UBE2E3: variants seen among roughly 807,000 people sequenced by gnomAD.
The protein encoded by UBE2E3 is ubiquitin-conjugating enzyme E2 E3.
UBE2E3 carries 5 observed loss-of-function variants against 23.6 expected under a neutral mutation model. That is an observed-to-expected ratio of 0.21 (90% confidence interval 0.11 to 0.44). UBE2E3 has a LOEUF of 0.44. Ranked by LOEUF, UBE2E3 falls within the 20% of genes least tolerant of loss-of-function variation. The pLI is 0.99. For missense variants in UBE2E3, 81 were observed against 249.8 expected, an observed-to-expected ratio of 0.32 and a Z score of 4.55; for synonymous variants, 78 against 87.5, an observed-to-expected ratio of 0.89 and a Z score of 0.60.
At chr2:181,020,598 C>T (rs1467240162) in intron 3 of UBE2E3, among the ~76,000 whole-genome samples, 1 of 152,014 alleles carries the variant, frequency 6.6e-6, no homozygotes, top group East Asian at 1.9e-4. Flanking sequence ...TCAATAATAC[C>T]ACTACGACTT....
chr2:181,024,233 T>C (rs778268767), intron 3 of UBE2E3, among the ~76,000 whole-genome samples: 1 of 152,146 alleles, frequency 6.6e-6, no homozygotes, highest in Non-Finnish European at 1.5e-5. Flanking sequence ...CTTGACTGAC[T>C]CTTCTCAGAA....
intron 2 of UBE2E3, among the ~76,000 whole-genome samples, chr2:180,983,018 GA>G (rs1293551931): frequency 1.3e-5 from 2 of 152,050 alleles, no homozygotes; most frequent in South Asian, 2.1e-4. Context: ...TTCTGATGGA[GA>G]AAAAAAGATT....
chr2:181,000,492 T>TA (rs1463667721), intron 3 of UBE2E3, among the ~76,000 whole-genome samples: 1 of 152,074 alleles, frequency 6.6e-6, no homozygotes, highest in Non-Finnish European at 1.5e-5. Context: ...AGAGTAAGTA[T>TA]AGTATAAATG....
At chr2:181,025,984 AT>A (rs2105636354) in intron 3 of UBE2E3, among the ~76,000 whole-genome samples, 1 of 152,070 alleles carries the variant, frequency 6.6e-6, no homozygotes, top group South Asian at 2.1e-4. Context: ...TTTTAACGTC[AT>A]TCAAAACATA....
chr2:180,987,190 T>C, intron 3 of UBE2E3: 1 of 896,144 alleles, frequency 1.1e-6, no homozygotes, highest in Non-Finnish European at 1.7e-6. Flanking sequence ...TTTATGCTGT[T>C]TACATAAAGT....
chr2:180,990,435 C>T (rs1189782708), intron 3 of UBE2E3, among the ~76,000 whole-genome samples: 4 of 152,138 alleles, frequency 2.6e-5, no homozygotes, highest in African/African-American at 9.7e-5. Flanking sequence ...TGACTGTTTT[C>T]CTGTCTTATT....
intron 3 of UBE2E3, among the ~76,000 whole-genome samples, chr2:181,003,253 A>G (rs909663561): frequency 6.6e-6 from 1 of 152,124 alleles, no homozygotes; most frequent in South Asian, 2.1e-4. Flanking sequence ...TATGAGTTTA[A>G]TTTTTTTATA....
chr2:180,995,768 C>G (rs1287918825), intron 3 of UBE2E3, among the ~76,000 whole-genome samples: 2 of 149,114 alleles, frequency 1.3e-5, no homozygotes, highest in Admixed American at 1.3e-4. Flanking sequence ...ACAGCTACCA[C>G]TTTTTGTTTG....
At chr2:181,051,940 T>C (rs1398292522) in intron 3 of UBE2E3, among the ~76,000 whole-genome samples, 2 of 151,920 alleles carry the variant, frequency 1.3e-5, no homozygotes, top group East Asian at 3.9e-4. Context: ...AAAAATACGT[T>C]TTCCAAATAA....
chr2:181,000,146 T>A (rs1684948588), intron 3 of UBE2E3, among the ~76,000 whole-genome samples: 1 of 152,218 alleles, frequency 6.6e-6, no homozygotes, highest in African/African-American at 2.4e-5. Context: ...TATTTATAGT[T>A]TTAAAGTTTT....
chr2:180,983,916 A>C, intron 2 of UBE2E3, 127 bp from the exon 3 acceptor site: 1 of 628,262 alleles, frequency 1.6e-6, no homozygotes, highest in Non-Finnish European at 2.7e-6. Flanking sequence ...GGAAGCAGCC[A>C]TGTTAGCATT....
chr2:180,982,425 G>A (rs1273497485), intron 2 of UBE2E3, among the ~76,000 whole-genome samples, 189 bp downstream of exon 2: 3 of 152,176 alleles, frequency 2.0e-5, no homozygotes, highest in Non-Finnish European at 4.4e-5. Flanking sequence ...ATACTTTTAA[G>A]CAAACTTAAT....
intron 3 of UBE2E3, among the ~76,000 whole-genome samples, chr2:181,052,439 A>G (rs1686869255): frequency 6.6e-6 from 1 of 151,926 alleles, no homozygotes; most frequent in Non-Finnish European, 1.5e-5. Context: ...AGCAGCAGCA[A>G]AATAAGGCAG....
chr2:181,049,831 A>C (rs1390628301), intron 3 of UBE2E3, among the ~76,000 whole-genome samples: 3 of 151,976 alleles, frequency 2.0e-5, no homozygotes. Flanking sequence ...TAGCACGCAC[A>C]CCCAGCCATT....
chr2:181,027,447 G>C (rs182211756), intron 3 of UBE2E3, among the ~76,000 whole-genome samples: 2 of 151,860 alleles, frequency 1.3e-5, no homozygotes, highest in African/African-American at 4.8e-5. Context: ...GGAACTATTT[G>C]ACCCATTAAA....
At chr2:181,021,578 C>CCCTCCCTCCCTTCTTTCCTTCCTTCCTT (rs1685687616) in intron 3 of UBE2E3, among the ~76,000 whole-genome samples, 1 of 56,624 alleles carries the variant, frequency 1.8e-5, no homozygotes, top group African/African-American at 7.6e-5. Context: ...CTTCCTCCCT[C>CCCTCCCTCCCTTCTTTCCTTCCTTCCTT]CCTCCCTTCC....
chr2:181,026,032 C>A (rs1685871435), intron 3 of UBE2E3, among the ~76,000 whole-genome samples: 1 of 151,814 alleles, frequency 6.6e-6, no homozygotes, highest in Non-Finnish European at 1.5e-5. Flanking sequence ...GCAATTTGAT[C>A]TCATTTGCAG....
At chr2:181,035,739 G>A (rs1006276766) in intron 3 of UBE2E3, among the ~76,000 whole-genome samples, 8 of 151,936 alleles carry the variant, frequency 5.3e-5, no homozygotes, top group African/African-American at 1.9e-4. Context: ...TATTTTATAT[G>A]TGACCCAAGA....
intron 3 of UBE2E3, among the ~76,000 whole-genome samples, chr2:181,030,856 T>C (rs908323404): frequency 6.6e-6 from 1 of 152,164 alleles, no homozygotes; most frequent in Admixed American, 6.5e-5. Flanking sequence ...GTCTTCTCTC[T>C]GTCTTGTCAC....
Sources: gnomAD v4.1 joint callset for allele counts (sites outside exome capture counted in the v4.1 genomes callset) on GRCh38, gnomAD v4.1.1 for gene constraint, MANE v1.5 for transcripts, NCBI Gene and HGNC (gene_info 2026-07-23, HGNC 2026-07-21) for gene names.